The following RPP14 variants were observed in gnomAD, a reference collection of about 807,000 sequenced individuals.
RPP14 encodes ribonuclease P protein subunit p14.
Under a neutral mutation model 17.8 loss-of-function variants are expected in RPP14, and 19 were observed. The observed-to-expected ratio is 1.07, with a 90% CI of 0.74 to 1.57. The LOEUF is 1.57. Among genes scored for constraint, RPP14 ranks in the 40% most tolerant of loss-of-function variants. The pLI is 0.00. For synonymous variants in RPP14, 60 were observed against 56.4 expected (o/e 1.06, Z -0.29); for missense variants, 125 against 140.8 (o/e 0.89, Z 0.57).
At chr3:58,317,392 T>C in intron 5 of RPP14, 48 bp from the exon 6 acceptor site, 1 of 1,282,012 alleles carries the variant, frequency 7.8e-7, no homozygotes, top group Non-Finnish European at 1.1e-6. Flanking sequence ...TGCCCTGTGC[T>C]TCAGTGTGGT....
intron 4 of RPP14, 141 bp downstream of exon 4, chr3:58,316,732 A>G: frequency 1.1e-6 from 1 of 882,484 alleles, no homozygotes; most frequent in Non-Finnish European, 1.8e-6. Flanking sequence ...GATGAATATG[A>G]ACATTCATCC....
chr3:58,317,641 C>G lies in RPP14; in HGVS notation c.*145C>G, dbSNP rs1258500088. 1 of 728,142 alleles carries G rather than the reference C, an allele frequency of 1.4e-6. No homozygotes were observed. Among genetic ancestry groups the G allele is most frequent in the Admixed American group, 2.0e-5 (1 of 49,900 alleles). The allele number at this position is 728,142 out of a possible 1,614,324, so 45.1% of individuals were successfully genotyped here. Reference sequence around the variant, plus strand: ...GTTCCCACTAATTTCCAGCCATCACCTTTGGTGGGGTGGGCTTCGGAGGAC... The same window carrying G: ...GTTCCCACTAATTTCCAGCCATCACGTTTGGTGGGGTGGGCTTCGGAGGAC... On this transcript the variant is annotated 3_prime_UTR_variant, in exon 6 of 6. Coordinates refer to ENST00000295959, the MANE Select transcript of RPP14 (RefSeq NM_007042.6).
chr3:58,307,702 C>G (rs907116824), intron 1 of RPP14: 2 of 152,194 alleles, frequency 1.3e-5, no homozygotes, highest in Admixed American at 6.5e-5. Context: ...AAACAAACAA[C>G]AAGACTGACT....
chr3:58,320,115 G>T lies in RPP14; in HGVS notation c.*2619G>T, dbSNP rs2097492966. 1 of 151,944 alleles carries T rather than the reference G, an allele frequency of 6.6e-6. No individual in the cohort carries two copies. Among genetic ancestry groups the T allele is most frequent in the Admixed American group, 6.6e-5 (1 of 15,248 alleles). 9.4% of individuals were successfully genotyped at this position (151,944 alleles called of 1,614,324 possible). ...GCTTCTTTGATATAGCATGTTTTCA[G>T]GGTTCATCCATGTTACAGCATGTAT... On this transcript the variant is annotated 3_prime_UTR_variant, in exon 6 of 6. Coordinates refer to ENST00000295959, the MANE Select transcript of RPP14 (RefSeq NM_007042.6).
chr3:58,317,877 C>A lies in RPP14; in HGVS notation c.*381C>A. ...ATACAATTGTACATGGAGTTTTGATCAACGGACTTATCTCAGCTCTCCTAG... is the reference window on the plus strand; with the variant it reads ...ATACAATTGTACATGGAGTTTTGATAAACGGACTTATCTCAGCTCTCCTAG... On this transcript the variant is annotated 3_prime_UTR_variant, in exon 6 of 6. Transcript: ENST00000295959. 1 of 703,014 alleles carries A rather than the reference C, an allele frequency of 1.4e-6. No homozygotes were observed. Among genetic ancestry groups the A allele is most frequent in the Non-Finnish European group, 2.6e-6 (1 of 385,012 alleles). The allele number at this position is 703,014 out of a possible 1,614,324, so 43.5% of individuals were successfully genotyped here.
rs75668009 is a variant in RPP14, at chr3:58,314,360, A to G, written c.163-2155A>G. On this transcript the variant is annotated intron_variant, in intron 3 of 5. Transcript: ENST00000295959. ...AGAGAGACTCTGTCTCAAAAAAATA[A>G]TAGTAATAATAATAAAAAAGAAGTA... 7.5e-4 allele frequency among the ~76,000 whole-genome samples: 115 copies of G among 152,328 alleles called. 2 individuals carry two copies. In the East Asian group the frequency reaches 0.02, roughly 27 times the overall value.
intron 1 of RPP14, 109 bp downstream of exon 1, chr3:58,306,526 T>A (rs755462136): frequency 6.6e-6 from 1 of 152,074 alleles, no homozygotes; most frequent in African/African-American, 2.4e-5. Flanking sequence ...GCTTGTCCTC[T>A]CCGACCCCGG....
chr3:58,314,675 A>ATTTTTTTTTTTTTTTTTTT (rs751757663), intron 3 of RPP14, among the ~76,000 whole-genome samples: 23 of 90,562 alleles, frequency 2.5e-4, no homozygotes, highest in Non-Finnish European at 3.1e-4. Context: ...GTTTGGCAGT[A>ATTTTTTTTTTTTTTTTTTT]TTTTTTTTTT....
Position 58,315,070 on chromosome 3 carries a change from C to G in RPP14, c.163-1445C>G, listed in dbSNP as rs148718565. Among the ~76,000 whole-genome samples, 19 of 152,258 alleles carry G rather than the reference C, an allele frequency of 1.2e-4. No individual in the cohort carries two copies. In the East Asian group the frequency reaches 3.7e-3, roughly 29 times the overall value. On this transcript the variant is annotated intron_variant, in intron 3 of 5. Transcript: ENST00000295959. ...GGCATCTGTTCCAGAGGACTGAAAA[C>G]TTAAGTTCACACAAAAGCCTGTACA...
chr3:58,312,446 A>G (rs2097483375), intron 3 of RPP14, among the ~76,000 whole-genome samples: 1 of 150,944 alleles, frequency 6.6e-6, no homozygotes, highest in South Asian at 2.1e-4. Context: ...TCCCCTAGAG[A>G]TTATTTTAAA....
At chr3:58,310,140 G>A (rs999248722) in intron 1 of RPP14, 169 bp from the exon 2 acceptor site, 7 of 582,668 alleles carry the variant, frequency 1.2e-5, no homozygotes, top group African/African-American at 1.1e-4. Flanking sequence ...GCCAGAGGTG[G>A]AGGCTGCAGT....
intron 3 of RPP14, among the ~76,000 whole-genome samples, chr3:58,313,897 T>G (rs2097485072): frequency 6.6e-6 from 1 of 151,684 alleles, no homozygotes; most frequent in Non-Finnish European, 1.5e-5. Context: ...AATATATAAA[T>G]GACATTTGGC....
At chr3:58,314,124 G>A (rs1169582546) in intron 3 of RPP14, among the ~76,000 whole-genome samples, 2 of 152,232 alleles carry the variant, frequency 1.3e-5, no homozygotes, top group Non-Finnish European at 2.9e-5. Context: ...GCCGAGGTGG[G>A]TTGATTGCCT....
rs1559796362 is a variant in RPP14 at position 58,317,536 on chromosome 3, A to G, written c.*40A>G. 5 of 1,387,212 alleles carry G rather than the reference A, an allele frequency of 3.6e-6. No homozygotes were observed. The highest frequency in any genetic ancestry group is 2.3e-5 in the East Asian group (1 of 43,828). The allele number at this position is 1,387,212 out of a possible 1,614,324, so 85.9% of individuals were successfully genotyped here. ...ATTTTGGAAACGTTCATCCACTCTC[A>G]TATTTATTTTTTGGTGCCTGCATGT... On this transcript the variant is annotated 3_prime_UTR_variant, in exon 6 of 6. Transcript: ENST00000295959.
Position 58,318,341 on chromosome 3 carries a change from TTTTG to T in RPP14, c.*853_*856del, listed in dbSNP as rs2097490567. 7.1e-6 allele frequency: 3 copies of T among 421,598 alleles called. No individual in the cohort carries two copies. The South Asian group carries it at 1.8e-4, about 25-fold the overall frequency. 26.1% of individuals were successfully genotyped at this position (421,598 alleles called of 1,614,324 possible). On this transcript the variant is annotated 3_prime_UTR_variant, in exon 6 of 6. Coordinates refer to ENST00000295959, the MANE Select transcript of RPP14 (RefSeq NM_007042.6). ...CAGGATTTCATTATCTGCCTGGGTT[TTTTG>T]TTTGTTTTTTGTTTTTTAATTCAAG...
chr3:58,308,638 GTCA>G (rs2097478379), intron 1 of RPP14, among the ~76,000 whole-genome samples: 1 of 152,136 alleles, frequency 6.6e-6, no homozygotes. Context: ...TTCTCCAGAG[GTCA>G]TCATCTGGGA....
Position 58,317,950 on chromosome 3 carries a change from A to G in RPP14, c.*454A>G, listed in dbSNP as rs749736285. 5 of 702,802 alleles carry G rather than the reference A, an allele frequency of 7.1e-6. No homozygotes were observed. The South Asian group carries it at 7.4e-5, about 10-fold the overall frequency. 43.5% of individuals were successfully genotyped at this position (702,802 alleles called of 1,614,324 possible). Reference sequence around the variant, plus strand: ...CTGTGTATTTCTTTCCCAGGAAATTAGCTTTCCAGCCCCTTTATATATTGG... The same window carrying G: ...CTGTGTATTTCTTTCCCAGGAAATTGGCTTTCCAGCCCCTTTATATATTGG... On this transcript the variant is annotated 3_prime_UTR_variant, in exon 6 of 6. Coordinates refer to ENST00000295959, the MANE Select transcript of RPP14 (RefSeq NM_007042.6).
chr3:58,307,812 C>T (rs1357891211), intron 1 of RPP14: 2 of 151,884 alleles, frequency 1.3e-5, no homozygotes, highest in East Asian at 1.9e-4. Context: ...CCCAGGTATC[C>T]TCTCCTTTAA....
At chr3:58,315,905 A>G (rs1004565870) in intron 3 of RPP14, 3 of 152,188 alleles carry the variant, frequency 2.0e-5, no homozygotes, top group Non-Finnish European at 4.4e-5. Flanking sequence ...CAAACTCCCA[A>G]CCTCAGGTGA....
Sources: allele counts gnomAD v4.1 joint callset (sites outside exome capture counted in the v4.1 genomes callset), GRCh38; gene constraint gnomAD v4.1.1; transcripts MANE v1.5; gene names NCBI Gene and HGNC (gene_info 2026-07-23, HGNC 2026-07-21).